GADL1: variants seen among roughly 807,000 people sequenced by gnomAD.
GADL1 encodes the protein GAD like acidic amino acid decarboxylase 1.
GADL1 carries 71 observed loss-of-function variants against 69.5 expected under a neutral mutation model. The observed-to-expected ratio is 1.02, with a 90% CI of 0.84 to 1.25. GADL1 has a LOEUF of 1.25. GADL1 is among the 50% of genes most tolerant of loss of function. The pLI is 0.00. For missense variants in GADL1, 737 were observed against 631.8 expected (o/e 1.17, Z -1.79); for synonymous variants, 254 against 214.4 (o/e 1.18, Z -1.62).
Position 30,780,292 on chromosome 3 carries a change from T to C in GADL1, c.1303-2024A>G, listed in dbSNP as rs539807919. 2.6e-5 allele frequency among the ~76,000 whole-genome samples: 4 copies of C among 152,278 alleles called. No individual in the cohort carries two copies. In the East Asian group the frequency reaches 7.8e-4, roughly 30 times the overall value. ...CTAGATTTCTAGTGAGTACCACCAA[T>C]GTAACATCTCAGTAAACTTTTCTGC... On this transcript the variant is annotated intron_variant, in intron 13 of 14. Coordinates refer to ENST00000282538, the MANE Select transcript of GADL1 (RefSeq NM_207359.3).
rs183950251 is a variant in GADL1 at position 30,854,787 on chromosome 3, G to T, written c.340C>A (p.His114Asn). 3.2e-5 allele frequency: 49 copies of T among 1,533,638 alleles called. No homozygotes were observed. Among genetic ancestry groups the T allele is most frequent in the Non-Finnish European group, 4.1e-5 (47 of 1,132,800 alleles). ...DVIHYSVKTN[H>N]PRFFNQLYAG... The stretch of plus-strand genomic sequence containing the variant: ...TACAATTGGTTGAAAAATCTTGGGT[G>T]GTCTGTAAATTTAAAATGGAGTATT... Residue 114 changes from histidine to asparagine, a missense_variant and splice_region_variant, in exon 4 of 15, where the codon CAC becomes AAC. By Grantham distance (68) the His-to-Asn change is moderately conservative. Transcript: ENST00000282538.
At chr3:30,734,819 A>G (rs1207911488) in intron 14 of GADL1, among the ~76,000 whole-genome samples, 1 of 152,286 alleles carries the variant, frequency 6.6e-6, no homozygotes, top group East Asian at 1.9e-4. Flanking sequence ...GCTTTTGTCC[A>G]TAGCCATAAA....
intron 1 of GADL1, among the ~76,000 whole-genome samples, chr3:30,887,934 C>G (rs936387009): frequency 6.6e-6 from 1 of 152,058 alleles, no homozygotes; most frequent in Non-Finnish European, 1.5e-5. Flanking sequence ...GTTTCAGGTC[C>G]CCTATGGATA....
intron 14 of GADL1, among the ~76,000 whole-genome samples, chr3:30,758,485 G>A (rs974294019): frequency 1.3e-5 from 2 of 152,022 alleles, no homozygotes; most frequent in African/African-American, 2.4e-5. Context: ...AATCAGACTG[G>A]CTCTGAGTAA....
At chr3:30,884,004 C>T (rs1378143196) in intron 1 of GADL1, among the ~76,000 whole-genome samples, 2 of 152,026 alleles carry the variant, frequency 1.3e-5, no homozygotes, top group East Asian at 3.9e-4. Context: ...AGTCCTTCAA[C>T]TCTAAATATC....
chr3:30,761,496 T>C (rs1296153763), intron 14 of GADL1, among the ~76,000 whole-genome samples: 1 of 152,130 alleles, frequency 6.6e-6, no homozygotes, highest in South Asian at 2.1e-4. Flanking sequence ...TTTTACTGCA[T>C]GGTATATTTT....
At chr3:30,792,219 C>A (rs1046133663) in intron 12 of GADL1, among the ~76,000 whole-genome samples, 2 of 152,202 alleles carry the variant, frequency 1.3e-5, no homozygotes, top group African/African-American at 2.4e-5. Flanking sequence ...AAAAGTCCCA[C>A]TATCAAATAA....
rs542771294 is a variant in GADL1 at position 30,776,330 on chromosome 3, G to A, written c.1392+1849C>T. 2.6e-5 allele frequency among the ~76,000 whole-genome samples: 4 copies of A among 152,270 alleles called. No individual in the cohort carries two copies. The South Asian group carries it at 8.3e-4, about 32-fold the overall frequency. ...TTCTTTCTCTACCCTACTAAAAAAT[G>A]TCAGCCACATCCCATCATAGTGAAA... On this transcript the variant is annotated intron_variant, in intron 14 of 14. Transcript: ENST00000282538.
At chr3:30,865,301 A>AT (rs1178589965) in intron 1 of GADL1, among the ~76,000 whole-genome samples, 1 of 101,114 alleles carries the variant, frequency 9.9e-6, no homozygotes, top group Non-Finnish European at 2.2e-5. Flanking sequence ...ATATATATAT[A>AT]TATATTTTTT....
intron 12 of GADL1, chr3:30,797,670 G>GTTTTTTT (rs140124139): frequency 6.8e-6 from 1 of 147,932 alleles, no homozygotes; most frequent in African/African-American, 2.5e-5. Flanking sequence ...TTTTGTTTTT[G>GTTTTTTT]TTTTTTTTTT....
chr3:30,836,474 G>T, intron 9 of GADL1, among the ~76,000 whole-genome samples: 1 of 151,500 alleles, frequency 6.6e-6, no homozygotes, highest in Non-Finnish European at 1.5e-5. Context: ...CAGAAACTGT[G>T]AAATTATCAA....
At chr3:30,883,478 G>A (rs964564400) in intron 1 of GADL1, among the ~76,000 whole-genome samples, 1 of 151,908 alleles carries the variant, frequency 6.6e-6, no homozygotes, top group African/African-American at 2.4e-5. Flanking sequence ...GGTTATTTCT[G>A]ATTTCTCTAT....
chr3:30,771,306 CTG>C (rs1696414437), intron 14 of GADL1, among the ~76,000 whole-genome samples: 1 of 152,154 alleles, frequency 6.6e-6, no homozygotes, highest in African/African-American at 2.4e-5. Flanking sequence ...AAGAACAAAA[CTG>C]ATAACCATTA....
intron 1 of GADL1, among the ~76,000 whole-genome samples, chr3:30,869,272 T>A (rs149897525): frequency 2.0e-5 from 3 of 151,870 alleles, no homozygotes; most frequent in Admixed American, 2.0e-4. Context: ...ATCAGCCTCA[T>A]AGATTGTTTG....
At chr3:30,844,128 G>A in intron 8 of GADL1, 82 bp downstream of exon 8, 2 of 1,023,632 alleles carry the variant, frequency 2.0e-6, no homozygotes, top group Non-Finnish European at 2.9e-6. Context: ...TTCTCTCCTT[G>A]CTATTCCCTC....
intron 13 of GADL1, among the ~76,000 whole-genome samples, chr3:30,782,495 G>T (rs1274500211): frequency 6.6e-6 from 1 of 152,116 alleles, no homozygotes; most frequent in Non-Finnish European, 1.5e-5. Flanking sequence ...TAGAATTTTG[G>T]TAAGGAAAAT....
chr3:30,868,197 T>C (rs1698431384), intron 1 of GADL1, among the ~76,000 whole-genome samples: 1 of 152,040 alleles, frequency 6.6e-6, no homozygotes, highest in African/African-American at 2.4e-5. Flanking sequence ...GTAATCCAAA[T>C]ATGTGAAGAC....
chr3:30,791,941 C>T (rs1696930033), intron 12 of GADL1, among the ~76,000 whole-genome samples: 1 of 152,160 alleles, frequency 6.6e-6, no homozygotes, highest in Admixed American at 6.5e-5. Flanking sequence ...TCCCCTTTCA[C>T]CTTCTGCCAT....
intron 1 of GADL1, among the ~76,000 whole-genome samples, chr3:30,864,285 AGCTTTT>A (rs1698363837): frequency 6.6e-6 from 1 of 151,880 alleles, no homozygotes; most frequent in East Asian, 1.9e-4. Context: ...TAGGATTTCA[AGCTTTT>A]ATTACCCAGG....
Sources: gnomAD v4.1 joint callset for allele counts (sites outside exome capture counted in the v4.1 genomes callset) on GRCh38, gnomAD v4.1.1 for gene constraint, MANE v1.5 for transcripts, NCBI Gene and HGNC (gene_info 2026-07-23, HGNC 2026-07-21) for gene names.